CEP131: variants seen among roughly 807,000 people sequenced by gnomAD.
CEP131 encodes the protein centrosomal protein of 131 kDa.
A neutral mutation model predicts 136.8 loss-of-function variants in CEP131; 99 were observed. The observed-to-expected ratio is 0.72, with a 90% CI of 0.62 to 0.86. CEP131 has a LOEUF of 0.86. Among genes scored for constraint, CEP131 ranks in the 40% least tolerant of loss-of-function variants. The pLI is 0.00. For missense variants in CEP131, 1,459 were observed against 1,463.0 expected, an observed-to-expected ratio of 1.00 and a Z score of 0.04; for synonymous variants, 646 against 612.7, an observed-to-expected ratio of 1.05 and a Z score of -0.80.
chr17:81,190,287 C>T (rs1219749572), intron 24 of CEP131, among the ~76,000 whole-genome samples: 3 of 152,206 alleles, frequency 2.0e-5, no homozygotes, highest in African/African-American at 7.2e-5. Flanking sequence ...GCAGGACCCC[C>T]GTGGAGGGAG....
At position 81,192,546 on chromosome 17, in the gene CEP131, C is replaced by A. The variant is rs1177720285; in HGVS notation, c.2477G>T (p.Ser826Ile). 1 of 1,610,160 alleles carries A rather than the reference C, an allele frequency of 6.2e-7. No individual in the cohort carries two copies. The highest frequency in any genetic ancestry group is 1.7e-5 in the Admixed American group (1 of 59,868). The stretch of plus-strand genomic sequence containing the variant: ...CCTCAGGGCTCGGGTCAGTGCAGAG[C>A]TGCTCTCCTCCAGCTGCTGCCTCAG... Reference protein sequence around the residue: ...EELRQQLEESSSALTRALRAE... With the variant: ...EELRQQLEESISALTRALRAE... Residue 826 changes from serine to isoleucine, a missense_variant, in exon 20 of 26, where the codon AGC becomes ATC. Physicochemically the swap from Ser to Ile is moderately radical, Grantham distance 142. This residue lies in a region of CEP131 where 1,026 missense variants were observed against 964.2 expected (regional missense o/e 1.06). Coordinates refer to ENST00000450824, the MANE Select transcript of CEP131 (RefSeq NM_014984.4).
At position 81,203,708 on chromosome 17, in the gene CEP131, C is replaced by T. The variant is rs2061945126; in HGVS notation, c.516-101G>A. The T allele has an allele frequency of 3.5e-6, 3 of 862,612 alleles. No individual in the cohort carries two copies. The South Asian group carries it at 4.8e-5, about 14-fold the overall frequency. The allele number at this position is 862,612 out of a possible 1,614,324, so 53.4% of individuals were successfully genotyped here. A position where few individuals can be genotyped will look rare whatever the true frequency, so the allele number is the denominator to read the frequency against. On this transcript the variant is annotated intron_variant, in intron 5 of 25. Transcript: ENST00000450824. This position sits in a 1 kb window ranked among gnomAD's most constrained non-coding sequence, Gnocchi z 4.6. ...GCACGGGCTGGGAGGGAACAAAGGC[C>T]TTCAGTGCTTGCTACGTGCTGGCAG...
intron 2 of CEP131, 29 bp from the exon 3 acceptor site, chr17:81,209,051 T>C (rs2146666338): frequency 2.0e-6 from 3 of 1,522,738 alleles, no homozygotes; most frequent in Non-Finnish European, 2.7e-6. Context: ...CAGTTAATTA[T>C]GCAGCAAAGG....
chr17:81,199,807 G>T lies in CEP131; in HGVS notation c.935C>A (p.Thr312Asn). ...EEQRQRSGEGTLLDLHQQKEA... is the reference protein window; with the variant it reads ...EEQRQRSGEGNLLDLHQQKEA... Reference sequence around the variant, plus strand: ...TTTCTGCTGGTGCAGGTCCAAGAGGGTCCCCTCGCCTGACCGCTGCCGCTG... The same window carrying T: ...TTTCTGCTGGTGCAGGTCCAAGAGGTTCCCCTCGCCTGACCGCTGCCGCTG... Residue 312 changes from threonine to asparagine, a missense_variant, in exon 9 of 26, where the codon ACC becomes AAC. Physicochemically the swap from Thr to Asn is moderately conservative, Grantham distance 65. This residue lies in a region of CEP131 where 246 missense variants were observed against 318.9 expected (regional missense o/e 0.77). Coordinates refer to ENST00000450824, the MANE Select transcript of CEP131 (RefSeq NM_014984.4). 2.5e-6 allele frequency: 4 copies of T among 1,611,500 alleles called. No homozygotes were observed. The highest frequency in any genetic ancestry group is 3.4e-6 in the Non-Finnish European group (4 of 1,179,948).
At chr17:81,212,539 TG>T (rs1254690185) in intron 2 of CEP131, among the ~76,000 whole-genome samples, 5 of 145,994 alleles carry the variant, frequency 3.4e-5, no homozygotes, top group Non-Finnish European at 7.7e-5. Flanking sequence ...TGGGCAGGAG[TG>T]GGGCCTGTGC....
chr17:81,196,005 C>T (rs1038333805), intron 15 of CEP131, 54 bp from the exon 16 acceptor site: 15 of 1,455,036 alleles, frequency 1.0e-5, no homozygotes, highest in African/African-American at 1.4e-5. Context: ...CCCAGCAGGA[C>T]CCCTGATGGA....
At chr17:81,200,030 G>C (rs2146572152) in intron 8 of CEP131, 195 bp from the exon 9 acceptor site, 1 of 634,084 alleles carries the variant, frequency 1.6e-6, no homozygotes, top group South Asian at 1.9e-5. Context: ...CTACGTCGCA[G>C]GTGGCCAACA....
chr17:81,199,495 C>G lies in CEP131; in HGVS notation c.1078G>C (p.Gly360Arg), dbSNP rs1567860662. 8 of 1,608,936 alleles carry G rather than the reference C, an allele frequency of 5.0e-6. No homozygotes were observed. The African/African-American group carries it at 8.0e-5, about 16-fold the overall frequency. ...RAQKASTAER[G>R]PPENPRETRV... ...GTCTCCCTGGGATTCTCAGGTGGCCCACGCTCGGCAGTGCTCGCCTTCTGG... is the reference window on the plus strand; with the variant it reads ...GTCTCCCTGGGATTCTCAGGTGGCCGACGCTCGGCAGTGCTCGCCTTCTGG... The change falls in exon 10 of 26, where the codon GGG becomes CGG. Residue 360 changes from glycine (G) to arginine (R), a missense_variant. Transcript: ENST00000450824.
At chr17:81,201,170 C>T (rs1352442059) in intron 7 of CEP131, among the ~76,000 whole-genome samples, 1 of 152,204 alleles carries the variant, frequency 6.6e-6, no homozygotes, top group African/African-American at 2.4e-5. Context: ...ACGTGTGAGC[C>T]CTAGCTCGGG....
chr17:81,194,008 G>T lies in CEP131; in HGVS notation c.2239C>A (p.Arg747Ser). ...TGCTCCCGCAGCTCCTCGGCCTGGC[G>T]CAGGCAGCGCTGCGAGGCCCGCTCA... ...SDERASQRCLRQAEELREQLE... is the reference protein window; with the variant it reads ...SDERASQRCLSQAEELREQLE... The change falls in exon 18 of 26, where the codon CGC (arginine) becomes AGC (serine). Residue 747 changes from arginine (R) to serine (S), a missense_variant. This residue lies in a region of CEP131 where 1,026 missense variants were observed against 964.2 expected (regional missense o/e 1.06). Transcript: ENST00000450824. 1.3e-6 allele frequency: 2 copies of T among 1,559,234 alleles called. No individual in the cohort carries two copies. Among genetic ancestry groups the T allele is most frequent in the South Asian group, 1.2e-5 (1 of 84,214 alleles).
rs2061950330 is a variant in CEP131, at chr17:81,203,976, C to T, written c.516-369G>A. ...GACGGATGGAAGCCACATTCTCTGC[C>T]TCTGCCCCTCCGCAGACCCGCAGGA... On this transcript the variant is annotated intron_variant, in intron 5 of 25. Transcript: ENST00000450824. This position sits in a 1 kb window ranked among gnomAD's most constrained non-coding sequence, Gnocchi z 4.6. The T allele has an allele frequency of 4.7e-6, 1 of 215,050 alleles. No homozygotes were observed. The highest frequency in any genetic ancestry group is 9.4e-6 in the Non-Finnish European group (1 of 106,292). 13.3% of individuals were successfully genotyped at this position (215,050 alleles called of 1,614,324 possible).
intron 2 of CEP131, among the ~76,000 whole-genome samples, chr17:81,211,899 C>T (rs1032444348): frequency 6.8e-5 from 10 of 146,556 alleles, no homozygotes; most frequent in Non-Finnish European, 1.5e-4. Context: ...TGTCACTGCA[C>T]TCCAACCTGG....
In CEP131 at chr17:81,199,568, T is replaced by C. The variant is rs746574502; in HGVS notation, c.1024-19A>G. On this transcript the variant is annotated intron_variant, in intron 9 of 25. Coordinates refer to ENST00000450824, the MANE Select transcript of CEP131 (RefSeq NM_014984.4). ...GCAGCTCCTGCAGTGGGAGCATCGC[T>C]GAGCACTGTCCCTGGGAGAGGACGA... is the stretch of plus-strand genomic sequence containing the variant. 4.4e-6 allele frequency: 7 copies of C among 1,600,266 alleles called. No individual in the cohort carries two copies. In the South Asian group the frequency reaches 7.8e-5, roughly 18 times the overall value.
intron 5 of CEP131, among the ~76,000 whole-genome samples, chr17:81,204,767 C>T (rs941385892): frequency 6.7e-6 from 1 of 150,252 alleles, no homozygotes; most frequent in Non-Finnish European, 1.5e-5. Flanking sequence ...CACACCTGCA[C>T]CGGACCGCAC....
Position 81,192,392 on chromosome 17 carries a change from T to G in CEP131, c.2548A>C (p.Met850Leu), listed in dbSNP as rs780691586. The change falls in exon 21 of 26, where the codon ATG becomes CTG. Residue 850 changes from methionine (M) to leucine (L), a missense_variant and splice_region_variant. Coordinates refer to ENST00000450824, the MANE Select transcript of CEP131 (RefSeq NM_014984.4). ...TGCTGCTTCAGGGTATTCAGCTCCA[T>G]CTGGGGGGCGGACATAAGAGGCCAG... ...GREEQERRHQ[M>L]ELNTLKQQLE... 1.1e-5 allele frequency: 18 copies of G among 1,608,624 alleles called. No homozygotes were observed. The highest frequency in any genetic ancestry group is 1.5e-5 in the Non-Finnish European group (18 of 1,178,620).
In CEP131 at chr17:81,198,244, G is replaced by C. The variant is rs775478373; in HGVS notation, c.1341C>G (p.Ser447Arg). The change falls in exon 12 of 26, where the codon AGC (serine) becomes AGG (arginine). Residue 447 changes from serine to arginine, a missense_variant. Around this residue, in one of 3 missense-constraint regions of CEP131, gnomAD observed 1,026 missense variants for 964.2 expected, o/e 1.06. Coordinates refer to ENST00000450824, the MANE Select transcript of CEP131 (RefSeq NM_014984.4). ...GCCCCCTGGACTTGGCGCTCCCCCT[G>C]CTCGGGGCCATCATCTCCAGGTTGT... ...AGDNLEMMAP[S>R]RGSAKSRGPL... 6.2e-7 allele frequency: 1 copy of C among 1,603,630 alleles called. No homozygotes were observed. The highest frequency in any genetic ancestry group is 8.5e-7 in the Non-Finnish European group (1 of 1,175,266).
chr17:81,214,412 C>T (rs1461017259), intron 2 of CEP131, among the ~76,000 whole-genome samples: 3 of 151,876 alleles, frequency 2.0e-5, no homozygotes, highest in Non-Finnish European at 4.4e-5. Flanking sequence ...AAAACTTAGC[C>T]CGGCATGGTG....
At chr17:81,220,179 T>G in intron 1 of CEP131, 106 bp from the exon 2 acceptor site, 1 of 997,698 alleles carries the variant, frequency 1.0e-6, no homozygotes, top group South Asian at 2.9e-5. Context: ...GCCACCAAAC[T>G]TCCTGGGAAG....
chr17:81,199,879 C>T (rs763625812), intron 8 of CEP131, 44 bp from the exon 9 acceptor site: 4 of 1,591,786 alleles, frequency 2.5e-6, no homozygotes, highest in East Asian at 4.5e-5. Context: ...ATCTGGAAGA[C>T]GGAATCCAGA....
Sources: gnomAD v4.1 joint callset for allele counts (sites outside exome capture counted in the v4.1 genomes callset) on GRCh38, gnomAD v4.1.1 for gene constraint, gnomAD v4.1.1 regional missense constraint, Gnocchi (gnomAD v3.1) non-coding constraint, MANE v1.5 for transcripts, NCBI Gene and HGNC (gene_info 2026-07-23, HGNC 2026-07-21) for gene names.